The following DCC variants were observed in gnomAD, a reference collection of about 807,000 sequenced individuals.
DCC encodes the protein DCC netrin 1 receptor, also known as netrin receptor DCC.
DCC carries 58 observed loss-of-function variants against 172.5 expected under a neutral mutation model. The ratio of observed to expected loss-of-function variants is 0.34; its 90% CI spans 0.27 to 0.42. The LOEUF (loss-of-function observed/expected upper bound fraction) is 0.42. Among genes scored for constraint, DCC ranks in the 10% least tolerant of loss-of-function variants. The probability of loss-of-function intolerance (pLI) is 1.00; values close to 1 mark genes in which losing one functional copy is unlikely to be tolerated. For synonymous variants in DCC, 709 were observed against 644.5 expected, an observed-to-expected ratio of 1.10 and a Z score of -1.52; for missense variants, 1,740 against 1,791.0, an observed-to-expected ratio of 0.97 and a Z score of 0.51.
At chr18:52,443,438 G>A (rs1317391525) in intron 1 of DCC, among the ~76,000 whole-genome samples, 1 of 18,232 alleles carries the variant, frequency 5.5e-5, no homozygotes, top group Non-Finnish European at 1.1e-4. Context: ...AAATAGAGGA[G>A]AAATGATGGT....
chr18:52,922,741 C>A (rs1473219283), intron 3 of DCC, among the ~76,000 whole-genome samples: 1 of 152,024 alleles, frequency 6.6e-6, no homozygotes, highest in Non-Finnish European at 1.5e-5. Flanking sequence ...GGTAGAACAC[C>A]CTCCTCCAAG....
At chr18:53,179,344 A>G (rs564483154) in intron 9 of DCC, among the ~76,000 whole-genome samples, 1 of 152,318 alleles carries the variant, frequency 6.6e-6, no homozygotes, top group East Asian at 1.9e-4. Context: ...ATAAAGGCCT[A>G]ATCTATCTAT....
At chr18:52,714,521 C>A (rs986448975) in intron 1 of DCC, among the ~76,000 whole-genome samples, 1 of 152,108 alleles carries the variant, frequency 6.6e-6, no homozygotes, top group Non-Finnish European at 1.5e-5. Context: ...GCATACTGAA[C>A]TGGGAAGGAA....
intron 12 of DCC, among the ~76,000 whole-genome samples, chr18:53,254,004 T>C (rs2056474078): frequency 6.6e-6 from 1 of 152,000 alleles, no homozygotes; most frequent in South Asian, 2.1e-4. Context: ...TTCCCTCCAA[T>C]GTATTAGCAT....
intron 1 of DCC, among the ~76,000 whole-genome samples, chr18:52,424,056 G>A (rs1987342604): frequency 6.6e-6 from 1 of 152,006 alleles, no homozygotes; most frequent in African/African-American, 2.4e-5. Context: ...CTTGTTCTGG[G>A]CTCCTTTGTG....
intron 27 of DCC, chr18:53,505,280 C>T (rs1424967634): frequency 6.6e-6 from 1 of 152,084 alleles, no homozygotes; most frequent in East Asian, 1.9e-4. Flanking sequence ...CAGGGGCTGA[C>T]ATCTGACATC....
At chr18:52,347,401 G>A (rs1436703345) in intron 1 of DCC, among the ~76,000 whole-genome samples, 1 of 152,050 alleles carries the variant, frequency 6.6e-6, no homozygotes, top group East Asian at 1.9e-4. Context: ...ACATCACTAT[G>A]ACTTCATTAT....
rs1341060793 is a variant in DCC at position 52,503,966 on chromosome 18, G to T, written c.91+163088G>T. 2.6e-5 allele frequency among the ~76,000 whole-genome samples: 4 copies of T among 152,048 alleles called. No homozygotes were observed. The East Asian group carries it at 7.7e-4, about 29-fold the overall frequency. On this transcript the variant is annotated intron_variant, in intron 1 of 28. Coordinates refer to ENST00000442544, the MANE Select transcript of DCC (RefSeq NM_005215.4). The stretch of plus-strand genomic sequence containing the variant: ...CTTTAGGGGTATGTATGCCATAAAT[G>T]CTTCAAGTGGGAAGCAGAATAAAAA...
At chr18:53,519,768 TAAATA>T (rs2046379774) in intron 27 of DCC, among the ~76,000 whole-genome samples, 1 of 152,082 alleles carries the variant, frequency 6.6e-6, no homozygotes, top group South Asian at 2.1e-4. Flanking sequence ...AGTGAATAAA[TAAATA>T]TGAAGCTTTC....
intron 12 of DCC, among the ~76,000 whole-genome samples, chr18:53,229,212 G>A (rs1262472199): frequency 6.6e-6 from 1 of 152,126 alleles, no homozygotes; most frequent in Non-Finnish European, 1.5e-5. Context: ...AAAGATTTAT[G>A]TGACATCCTG....
At chr18:53,498,707 C>G (rs749811472) in intron 26 of DCC, among the ~76,000 whole-genome samples, 1 of 152,284 alleles carries the variant, frequency 6.6e-6, no homozygotes, top group South Asian at 2.1e-4. Flanking sequence ...ATTGCAATTC[C>G]GCATTCAGGC....
At chr18:53,143,164 CT>C (rs1331083270) in intron 7 of DCC, among the ~76,000 whole-genome samples, 3 of 152,140 alleles carry the variant, frequency 2.0e-5, no homozygotes, top group Non-Finnish European at 4.4e-5. Flanking sequence ...TCTCCATACT[CT>C]TTTCTTTGGA....
At chr18:52,786,264 TTAA>T (rs143959738) in intron 2 of DCC, among the ~76,000 whole-genome samples, 6,960 of 152,186 alleles carry the variant, frequency 0.046, 239 homozygotes, top group South Asian at 0.16. Flanking sequence ...AACTAGCATA[TTAA>T]TCCAGATTTT....
chr18:52,496,850 A>G (rs972031030), intron 1 of DCC, among the ~76,000 whole-genome samples: 11 of 152,118 alleles, frequency 7.2e-5, no homozygotes, highest in African/African-American at 2.2e-4. Context: ...TCTTTAAAAA[A>G]TAGAAGATTG....
At chr18:52,928,684 G>C (rs557115000) in intron 5 of DCC, among the ~76,000 whole-genome samples, 1 of 152,252 alleles carries the variant, frequency 6.6e-6, no homozygotes, top group South Asian at 2.1e-4. Context: ...TGGGAAGTAC[G>C]TAGGTCGAGC....
intron 5 of DCC, among the ~76,000 whole-genome samples, chr18:52,931,192 C>G (rs188899857): frequency 6.6e-6 from 1 of 151,968 alleles, no homozygotes; most frequent in South Asian, 2.1e-4. Context: ...TTGAAATAAT[C>G]TTTGACTACT....
At chr18:52,954,051 ATTC>A in intron 5 of DCC, among the ~76,000 whole-genome samples, 1 of 152,322 alleles carries the variant, frequency 6.6e-6, no homozygotes, top group Middle Eastern at 3.4e-3. Flanking sequence ...GGATCTTTGA[ATTC>A]TTACTACAGC....
chr18:52,964,970 C>A (rs1476309012), intron 5 of DCC: 1 of 152,104 alleles, frequency 6.6e-6, no homozygotes, highest in African/African-American at 2.4e-5. Flanking sequence ...CCTCTCTGAT[C>A]CCTGCTTCTG....
intron 5 of DCC, among the ~76,000 whole-genome samples, chr18:52,947,504 G>A (rs1412337097): frequency 6.6e-6 from 1 of 152,158 alleles, no homozygotes; most frequent in African/African-American, 2.4e-5. Flanking sequence ...GTCCACTTGA[G>A]GATGTTTCTA....
Sources: allele counts gnomAD v4.1 joint callset (sites outside exome capture counted in the v4.1 genomes callset), GRCh38; gene constraint gnomAD v4.1.1; transcripts MANE v1.5; gene names NCBI Gene and HGNC (gene_info 2026-07-23, HGNC 2026-07-21).